COL22A1: variants seen among roughly 807,000 people sequenced by gnomAD.
COL22A1 encodes the protein collagen alpha-1(XXII) chain.
Under a neutral mutation model 248.9 loss-of-function variants are expected in COL22A1, and 221 were observed. The observed-to-expected ratio is 0.89, with a 90% CI of 0.80 to 0.99. COL22A1 has a LOEUF of 0.99. Among genes scored for constraint, COL22A1 ranks in the 50% least tolerant of loss-of-function variants. COL22A1 has a pLI of 0.00. For synonymous variants in COL22A1, 891 were observed against 793.4 expected, an observed-to-expected ratio of 1.12 and a Z score of -2.07; for missense variants, 2,240 against 2,179.0, an observed-to-expected ratio of 1.03 and a Z score of -0.56.
intron 49 of COL22A1, among the ~76,000 whole-genome samples, chr8:138,631,103 G>T (rs1366375006): frequency 6.6e-6 from 1 of 152,162 alleles, no homozygotes; most frequent in African/African-American, 2.4e-5. Context: ...GTTCCCTGCG[G>T]TCTCATCAGA....
At chr8:138,591,631 C>T in intron 63 of COL22A1, 130 bp from the exon 64 acceptor site, 3 of 548,310 alleles carry the variant, frequency 5.5e-6, no homozygotes. Flanking sequence ...CCACCCTGAG[C>T]ACACACACTC....
intron 12 of COL22A1, among the ~76,000 whole-genome samples, chr8:138,790,813 T>A (rs550600478): frequency 1.3e-5 from 2 of 152,188 alleles, no homozygotes; most frequent in South Asian, 4.2e-4. Flanking sequence ...CTGTGCCCTA[T>A]CAGTTATACA....
Position 138,821,359 on chromosome 8 carries a change from C to T in COL22A1, c.1022G>A (p.Gly341Asp), listed in dbSNP as rs757369611. ...CACCCTGACAGCATCTTTCATGGCACCCACAGCGTTGTACTCGACTGCCTT... is the reference window on the plus strand; with the variant it reads ...CACCCTGACAGCATCTTTCATGGCATCCACAGCGTTGTACTCGACTGCCTT... ...ENKAVEYNAV[G>D]AMKDAVRVVF... is the part of the protein sequence containing the mutation. The change falls in exon 7 of 65, where the codon GGT becomes GAT. Residue 341 changes from glycine to aspartate, a missense_variant. Coordinates refer to ENST00000303045, the MANE Select transcript of COL22A1 (RefSeq NM_152888.3). 7.4e-6 allele frequency: 12 copies of T among 1,614,148 alleles called. No individual in the cohort carries two copies. Among genetic ancestry groups the T allele is most frequent in the Non-Finnish European group, 1.0e-5 (12 of 1,179,998 alleles).
intron 45 of COL22A1, among the ~76,000 whole-genome samples, chr8:138,650,380 T>C (rs1421187761): frequency 6.6e-6 from 1 of 152,206 alleles, no homozygotes; most frequent in Non-Finnish European, 1.5e-5. Context: ...GGAATTGGGC[T>C]TTGTTCTACT....
At chr8:138,660,277 A>G (rs1823699497) in intron 44 of COL22A1, among the ~76,000 whole-genome samples, 159 bp downstream of exon 44, 1 of 152,198 alleles carries the variant, frequency 6.6e-6, no homozygotes, top group Non-Finnish European at 1.5e-5. Context: ...ACTGTAGTTT[A>G]TCTCTGAGTC....
At chr8:138,872,708 T>C (rs188949194) in intron 3 of COL22A1, among the ~76,000 whole-genome samples, 2 of 152,286 alleles carry the variant, frequency 1.3e-5, no homozygotes, top group East Asian at 1.9e-4. Context: ...TGTCAGGCAA[T>C]GGAGAAGCAG....
chr8:138,832,017 A>G (rs1223825281), intron 5 of COL22A1, among the ~76,000 whole-genome samples: 1 of 152,174 alleles, frequency 6.6e-6, no homozygotes, highest in Non-Finnish European at 1.5e-5. Flanking sequence ...AGCTTGCAGT[A>G]AAGGAGCCGG....
intron 27 of COL22A1, among the ~76,000 whole-genome samples, chr8:138,717,727 C>T (rs551662383): frequency 2.0e-5 from 3 of 152,160 alleles, no homozygotes; most frequent in Admixed American, 6.5e-5. Context: ...CTTTGTGGTC[C>T]GGATGAAGTG....
intron 3 of COL22A1, among the ~76,000 whole-genome samples, chr8:138,851,516 G>T (rs766419211): frequency 3.3e-5 from 5 of 152,176 alleles, no homozygotes; most frequent in Non-Finnish European, 5.9e-5. Flanking sequence ...CAAGGACTTT[G>T]GGTGCCAGCC....
At chr8:138,635,408 T>C (rs1430119720) in intron 48 of COL22A1, among the ~76,000 whole-genome samples, 2 of 152,164 alleles carry the variant, frequency 1.3e-5, no homozygotes, top group Non-Finnish European at 2.9e-5. Flanking sequence ...TTTATTACAG[T>C]CTTTATTCTT....
chr8:138,775,935 G>T, intron 16 of COL22A1, 31 bp downstream of exon 16: 2 of 1,607,280 alleles, frequency 1.2e-6, no homozygotes, highest in Non-Finnish European at 1.7e-6. Context: ...ATGGAAAGCC[G>T]TATTGATGAA....
At chr8:138,771,890 C>A (rs547941406) in intron 16 of COL22A1, among the ~76,000 whole-genome samples, 1 of 152,164 alleles carries the variant, frequency 6.6e-6, no homozygotes, top group East Asian at 1.9e-4. Flanking sequence ...CCGACTGCAC[C>A]GCGCCTCAGG....
chr8:138,692,222 G>GTA (rs1827081305), intron 35 of COL22A1, among the ~76,000 whole-genome samples: 2 of 68,982 alleles, frequency 2.9e-5, no homozygotes, highest in African/African-American at 1.0e-4. Flanking sequence ...GTGTATGTGT[G>GTA]CACGTGCATG....
chr8:138,764,756 C>T (rs1396318200), intron 16 of COL22A1, among the ~76,000 whole-genome samples: 2 of 152,108 alleles, frequency 1.3e-5, no homozygotes, highest in Non-Finnish European at 2.9e-5. Flanking sequence ...GTCAGGAGTT[C>T]AAGACCACCC....
chr8:138,855,468 C>T (rs1015219378), intron 3 of COL22A1, among the ~76,000 whole-genome samples: 2 of 152,146 alleles, frequency 1.3e-5, no homozygotes, highest in Non-Finnish European at 2.9e-5. Context: ...AGAGCAGGCT[C>T]GGCTCCTCAT....
In COL22A1 at chr8:138,688,961, C is replaced by T. The variant is rs1382619409; in HGVS notation, c.2818G>A (p.Gly940Ser). Reference protein sequence around the residue: ...SGPPGSVGAPGLRGTPGKDGE... With the variant: ...SGPPGSVGAPSLRGTPGKDGE... ...TCTTTCCCTGGGGTGCCTCTGAGGC[C>T]GGGAGCACCCTGTGGCAAGGAAGAT... The change falls in exon 37 of 65, where the codon GGC (glycine) becomes AGC (serine). Residue 940 changes from glycine to serine, a missense_variant. By Grantham distance (56) the Gly-to-Ser change is moderately conservative (BLOSUM62 0). Coordinates refer to ENST00000303045, the MANE Select transcript of COL22A1 (RefSeq NM_152888.3). 2.5e-6 allele frequency: 4 copies of T among 1,613,170 alleles called. No individual in the cohort carries two copies. Among genetic ancestry groups the T allele is most frequent in the South Asian group, 2.2e-5 (2 of 91,042 alleles).
chr8:138,820,905 G>GA (rs1165328971), intron 7 of COL22A1, among the ~76,000 whole-genome samples: 1 of 152,208 alleles, frequency 6.6e-6, no homozygotes, highest in African/African-American at 2.4e-5. Context: ...TATATGTGAT[G>GA]AATGATTGAT....
intron 3 of COL22A1, among the ~76,000 whole-genome samples, chr8:138,866,423 G>A (rs1379094411): frequency 6.6e-6 from 1 of 152,188 alleles, no homozygotes; most frequent in Non-Finnish European, 1.5e-5. Flanking sequence ...ATGTTTAGGT[G>A]TATGTCCTTT....
At chr8:138,643,966 G>T (rs1193354996) in intron 47 of COL22A1, among the ~76,000 whole-genome samples, 1 of 152,146 alleles carries the variant, frequency 6.6e-6, no homozygotes, top group Non-Finnish European at 1.5e-5. Context: ...ATTTTTAGTA[G>T]AGATGGGGTT....
Sources: gnomAD v4.1 joint callset for allele counts (sites outside exome capture counted in the v4.1 genomes callset) on GRCh38, gnomAD v4.1.1 for gene constraint, MANE v1.5 for transcripts, NCBI Gene and HGNC (gene_info 2026-07-23, HGNC 2026-07-21) for gene names.